The following CLPX variants were observed in gnomAD, a reference collection of about 807,000 sequenced individuals.
The protein encoded by CLPX is caseinolytic mitochondrial matrix peptidase chaperone subunit X, also known as ATP-dependent clpX-like chaperone, mitochondrial.
In CLPX, 34 loss-of-function variants were observed where a neutral mutation model predicts 76.4. The ratio of observed to expected loss-of-function variants is 0.45; its 90% confidence interval spans 0.34 to 0.59. The LOEUF (loss-of-function observed/expected upper bound fraction) is 0.59. Ranked by LOEUF, CLPX falls within the 20% of genes least tolerant of loss-of-function variation. CLPX has a pLI of 0.01. For synonymous variants in CLPX, 248 were observed against 270.9 expected, an observed-to-expected ratio of 0.92 and a Z score of 0.83; for missense variants, 613 against 757.0, an observed-to-expected ratio of 0.81 and a Z score of 2.23.
intron 7 of CLPX, chr15:65,158,361 C>G (rs1313613913): frequency 2.2e-5 from 10 of 451,876 alleles, no homozygotes; most frequent in Admixed American, 1.2e-4. Context: ...TTTTATTATT[C>G]CTGTGAAGAT....
At chr15:65,177,247 T>G (rs1348290083) in intron 3 of CLPX, among the ~76,000 whole-genome samples, 4 of 152,096 alleles carry the variant, frequency 2.6e-5, no homozygotes, top group African/African-American at 7.2e-5. Context: ...TTTTGTATTT[T>G]TAGTAGAGAT....
At chr15:65,175,236 A>G (rs1413451942) in intron 3 of CLPX, among the ~76,000 whole-genome samples, 1 of 152,244 alleles carries the variant, frequency 6.6e-6, no homozygotes, top group Non-Finnish European at 1.5e-5. Context: ...CTGTAATGCC[A>G]GCACTTTGGG....
intron 6 of CLPX, among the ~76,000 whole-genome samples, 198 bp from the exon 7 acceptor site, chr15:65,158,949 C>A (rs1030938107): frequency 6.6e-6 from 1 of 152,094 alleles, no homozygotes; most frequent in Admixed American, 6.6e-5. Context: ...ATATAAAGAA[C>A]CTCAAGCAAA....
intron 6 of CLPX, among the ~76,000 whole-genome samples, chr15:65,162,060 A>T (rs780069273): frequency 2.2e-4 from 34 of 152,176 alleles, no homozygotes; most frequent in African/African-American, 8.0e-4. Context: ...CACCCCTGGA[A>T]CCTCCACCCT....
In CLPX at chr15:65,162,335, T is replaced by C. The variant is rs570154489; in HGVS notation, c.715+269A>G. Among the ~76,000 whole-genome samples, 9 of 152,268 alleles carry C rather than the reference T, an allele frequency of 5.9e-5. No homozygotes were observed. The East Asian group carries it at 1.7e-3, about 29-fold the overall frequency. ...ATAATCTGCCTCCCCCAAATTCCTG[T>C]GACCCACAAGAAGCAGGCCAACTCT... On this transcript the variant is annotated intron_variant, in intron 6 of 13. Transcript: ENST00000300107.
chr15:65,180,903 CA>C (rs1251123572), intron 1 of CLPX, among the ~76,000 whole-genome samples: 2,727 of 102,720 alleles, frequency 0.027, 20 homozygotes, highest in Middle Eastern at 0.073. Flanking sequence ...GACTCCATCT[CA>C]AAAAAAAAAA....
chr15:65,180,618 T>C (rs1187157520), intron 1 of CLPX, among the ~76,000 whole-genome samples: 1 of 152,122 alleles, frequency 6.6e-6, no homozygotes, highest in African/African-American at 2.4e-5. Flanking sequence ...GAATACTATC[T>C]GGGCCGGGTG....
chr15:65,164,980 G>T lies in CLPX; in HGVS notation c.514-792C>A, dbSNP rs961485138. Among the ~76,000 whole-genome samples the T allele has an allele frequency of 5.9e-5, 9 of 152,120 alleles. No homozygotes were observed. In the East Asian group the frequency reaches 1.7e-3, roughly 29 times the overall value. On this transcript the variant is annotated intron_variant, in intron 4 of 13. Transcript: ENST00000300107. ...TACAGTTGGTTATTGCCAACAGCTT[G>T]GAACCTGGGGTAAATTTTTTAAGTT...
Position 65,153,173 on chromosome 15 carries a change from G to A in CLPX, c.1704+374C>T, listed in dbSNP as rs527533329. Among the ~76,000 whole-genome samples, 4 of 151,882 alleles carry A rather than the reference G, an allele frequency of 2.6e-5. No individual in the cohort carries two copies. The South Asian group carries it at 8.3e-4, about 32-fold the overall frequency. On this transcript the variant is annotated intron_variant, in intron 12 of 13. Transcript: ENST00000300107. ...TAAAAAAAAAAAAAAATTCAGGCCA[G>A]GCGTGGTGGCTCACGCCTGTAATCC...
intron 1 of CLPX, among the ~76,000 whole-genome samples, chr15:65,181,980 G>A (rs1242922415): frequency 6.6e-6 from 1 of 151,130 alleles, no homozygotes; most frequent in African/African-American, 2.4e-5. Flanking sequence ...AAAATTAGCT[G>A]GGCATGGTGA....
chr15:65,157,030 TG>T, intron 8 of CLPX, 98 bp from the exon 9 acceptor site: 2 of 686,818 alleles, frequency 2.9e-6, no homozygotes, highest in Non-Finnish European at 4.9e-6. Context: ...CAAAGTTATT[TG>T]ATCTTTCATA....
At chr15:65,156,531 G>C (rs1055164859) in intron 9 of CLPX, among the ~76,000 whole-genome samples, 10 of 152,056 alleles carry the variant, frequency 6.6e-5, no homozygotes, top group Non-Finnish European at 1.3e-4. Context: ...TTCATGTCTA[G>C]TTAGAATCAT....
rs1161248589 is a variant in CLPX at position 65,152,569 on chromosome 15, A to G, written c.1705-33T>C. ...AATAAAAAGTAATGAATCACATTGAAAACAGATTACATACAAGTGCTTTTA... is the reference window on the plus strand; with the variant it reads ...AATAAAAAGTAATGAATCACATTGAGAACAGATTACATACAAGTGCTTTTA... On this transcript the variant is annotated intron_variant, in intron 12 of 13. Coordinates refer to ENST00000300107, the MANE Select transcript of CLPX (RefSeq NM_006660.5). 4 of 1,216,588 alleles carry G rather than the reference A, an allele frequency of 3.3e-6. No individual in the cohort carries two copies. The South Asian group carries it at 5.1e-5, about 15-fold the overall frequency. The allele number at this position is 1,216,588 out of a possible 1,614,324, so 75.4% of individuals were successfully genotyped here.
chr15:65,174,959 A>T (rs1352081982), intron 3 of CLPX, among the ~76,000 whole-genome samples: 4 of 151,980 alleles, frequency 2.6e-5, no homozygotes, highest in Admixed American at 1.3e-4. Context: ...TTTATACTTT[A>T]AAAAAAATCA....
chr15:65,162,717 G>A, intron 5 of CLPX, 72 bp from the exon 6 acceptor site: 2 of 790,352 alleles, frequency 2.5e-6, no homozygotes, highest in Non-Finnish European at 4.2e-6. Context: ...CCCACCTCCT[G>A]TCCTCTTTCA....
intron 3 of CLPX, among the ~76,000 whole-genome samples, chr15:65,168,592 C>G (rs2087952274): frequency 1.0e-5 from 1 of 97,398 alleles, no homozygotes; most frequent in African/African-American, 4.4e-5. Flanking sequence ...ACACCGGGGC[C>G]TGTCATGGGG....
intron 6 of CLPX, among the ~76,000 whole-genome samples, chr15:65,159,514 G>A (rs1234251218): frequency 1.3e-5 from 2 of 152,140 alleles, no homozygotes; most frequent in Non-Finnish European, 2.9e-5. Flanking sequence ...GGAGGCCGAG[G>A]CAGGAGAATT....
rs1420085860 is a variant in CLPX, at chr15:65,157,825, T to A, written c.978A>T (p.Gly326=). ...ICDCTTLTQA[G]YVGEDIESVI... ...CAGATTCAATATCTTCGCCTACATA[T>A]CCAGCCTGAGTCAAAGTTGTACAGT... Residue 326 remains glycine, a synonymous_variant, in exon 8 of 14, where the codon GGA becomes GGT. Coordinates refer to ENST00000300107, the MANE Select transcript of CLPX (RefSeq NM_006660.5). The A allele has an allele frequency of 6.2e-7, 1 of 1,613,856 alleles. No individual in the cohort carries two copies. The highest frequency in any genetic ancestry group is 1.3e-5 in the African/African-American group (1 of 74,914).
intron 10 of CLPX, among the ~76,000 whole-genome samples, 154 bp downstream of exon 10, chr15:65,155,538 C>T (rs746560956): frequency 1.3e-5 from 2 of 152,118 alleles, no homozygotes; most frequent in Non-Finnish European, 2.9e-5. Context: ...ATTGAGTCAC[C>T]GCACCCTTCC....
Sources: allele counts gnomAD v4.1 joint callset (sites outside exome capture counted in the v4.1 genomes callset), GRCh38; gene constraint gnomAD v4.1.1; transcripts MANE v1.5; gene names NCBI Gene and HGNC (gene_info 2026-07-23, HGNC 2026-07-21).